TCF4: variants seen among roughly 807,000 people sequenced by gnomAD.
The protein encoded by TCF4 is SL3-3 enhancer factor 2.
In TCF4, 3 loss-of-function variants were observed where a neutral mutation model predicts 82.1. The ratio of observed to expected loss-of-function variants is 0.04; its 90% CI spans 0.02 to 0.09. TCF4 has a LOEUF of 0.09. TCF4 is among the 10% of genes least tolerant of loss of function. TCF4 has a pLI of 1.00. For synonymous variants in TCF4, 276 were observed against 309.6 expected, an observed-to-expected ratio of 0.89 and a Z score of 1.14; for missense variants, 518 against 852.7, an observed-to-expected ratio of 0.61 and a Z score of 4.89.
At chr18:55,608,869 C>G (rs1239498384) in intron 2 of TCF4, among the ~76,000 whole-genome samples, 1 of 152,000 alleles carries the variant, frequency 6.6e-6, no homozygotes, top group Non-Finnish European at 1.5e-5. Context: ...AAGGTGGGTA[C>G]TTTGGACTAA....
chr18:55,487,645 C>T (rs1335386945), intron 3 of TCF4, among the ~76,000 whole-genome samples: 1 of 151,716 alleles, frequency 6.6e-6, no homozygotes, highest in Non-Finnish European at 1.5e-5. Context: ...AGTATTTTTT[C>T]CCAGCAAGAG....
intron 3 of TCF4, among the ~76,000 whole-genome samples, chr18:55,484,305 A>G (rs1007646841): frequency 1.6e-4 from 25 of 151,994 alleles, no homozygotes; most frequent in African/African-American, 6.1e-4. Context: ...ATTAATACTG[A>G]CTCTGAGAAG....
intron 6 of TCF4, among the ~76,000 whole-genome samples, chr18:55,362,658 A>G (rs2085782666): frequency 6.6e-6 from 1 of 152,254 alleles, no homozygotes; most frequent in Non-Finnish European, 1.5e-5. Context: ...TGCTGTTAAA[A>G]TAACAAACAA....
intron 8 of TCF4, among the ~76,000 whole-genome samples, chr18:55,335,560 T>C (rs1404264680): frequency 6.6e-6 from 1 of 152,202 alleles, no homozygotes; most frequent in African/African-American, 2.4e-5. Context: ...ACAGTCTGAC[T>C]TATGTGAAAC....
At chr18:55,464,192 T>A in intron 3 of TCF4, 55 bp from the exon 4 acceptor site, 1 of 1,440,098 alleles carries the variant, frequency 6.9e-7, no homozygotes, top group Non-Finnish European at 9.8e-7. Flanking sequence ...TTTCTTTTTG[T>A]ATATGCACTT....
chr18:55,406,549 G>A (rs912425778), intron 5 of TCF4, among the ~76,000 whole-genome samples: 11 of 152,262 alleles, frequency 7.2e-5, no homozygotes, highest in African/African-American at 2.4e-4. Flanking sequence ...ATTTGTTTCA[G>A]ATAATAAAAT....
intron 5 of TCF4, among the ~76,000 whole-genome samples, chr18:55,449,015 A>G (rs1318478660): frequency 6.6e-6 from 1 of 152,222 alleles, no homozygotes; most frequent in Non-Finnish European, 1.5e-5. Flanking sequence ...TAATCACACA[A>G]AAGTATGTCT....
chr18:55,371,155 T>C (rs1017469157), intron 6 of TCF4, among the ~76,000 whole-genome samples: 5 of 152,218 alleles, frequency 3.3e-5, no homozygotes, highest in African/African-American at 9.6e-5. Flanking sequence ...TTATTCCTCC[T>C]CCACTTTGGC....
chr18:55,343,849 GGTGCACACACACACGC>G (rs56809130), intron 8 of TCF4, among the ~76,000 whole-genome samples: 5,376 of 151,876 alleles, frequency 0.035, 311 homozygotes, highest in African/African-American at 0.12. Context: ...CATACACATG[GGTGCACACACACACGC>G]GTGCACACAC....
intron 5 of TCF4, among the ~76,000 whole-genome samples, chr18:55,413,147 T>C (rs2094413561): frequency 6.6e-6 from 1 of 152,140 alleles, no homozygotes; most frequent in Non-Finnish European, 1.5e-5. Flanking sequence ...ATGACAATGT[T>C]ATATACGGTA....
chr18:55,349,291 G>C (rs1351633392), intron 8 of TCF4, among the ~76,000 whole-genome samples: 1 of 151,964 alleles, frequency 6.6e-6, no homozygotes, highest in Non-Finnish European at 1.5e-5. Flanking sequence ...TAATTGTTTG[G>C]ATGAGCTGAA....
intron 4 of TCF4, among the ~76,000 whole-genome samples, chr18:55,463,802 TAGCAGAAGTGGAA>T (rs2095929079): frequency 1.3e-5 from 2 of 152,172 alleles, no homozygotes; most frequent in Non-Finnish European, 2.9e-5. Context: ...TTCTTCTGGT[TAGCAGAAGTGGAA>T]CAGGTGTCAA....
intron 8 of TCF4, among the ~76,000 whole-genome samples, chr18:55,282,203 T>C (rs1361169182): frequency 6.6e-6 from 1 of 152,012 alleles, no homozygotes. Context: ...ATATCACATA[T>C]AACTATACTT....
intron 2 of TCF4, among the ~76,000 whole-genome samples, chr18:55,614,495 T>C (rs1411346737): frequency 6.6e-6 from 1 of 152,246 alleles, no homozygotes; most frequent in African/African-American, 2.4e-5. Context: ...AGTGTTTCAC[T>C]GTGGTTTTAA....
At chr18:55,432,130 T>C (rs539786015) in intron 5 of TCF4, among the ~76,000 whole-genome samples, 87 of 152,186 alleles carry the variant, frequency 5.7e-4, no homozygotes, top group Middle Eastern at 6.8e-3. Flanking sequence ...GGCGAAACCC[T>C]GTCTCTACTA....
chr18:55,628,517 G>A (rs1255670093), intron 2 of TCF4, among the ~76,000 whole-genome samples: 1 of 151,694 alleles, frequency 6.6e-6, no homozygotes. Flanking sequence ...ATTTTTAAAT[G>A]TTGTGTTTAG....
intron 3 of TCF4, among the ~76,000 whole-genome samples, chr18:55,542,555 C>A (rs1027305066): frequency 9.2e-5 from 14 of 151,966 alleles, no homozygotes; most frequent in African/African-American, 3.1e-4. Flanking sequence ...TAATAACATT[C>A]TCTTATAGAG....
chr18:55,592,438 T>G (rs187314868), upstream of TCF4, among the ~76,000 whole-genome samples: 3 of 152,256 alleles, frequency 2.0e-5, no homozygotes, highest in African/African-American at 7.2e-5. Flanking sequence ...AGAGCTTTGG[T>G]CTTTCTTCCT....
intron 15 of TCF4, among the ~76,000 whole-genome samples, chr18:55,245,443 G>A (rs779477700): frequency 2.6e-5 from 4 of 152,136 alleles, no homozygotes; most frequent in Admixed American, 1.3e-4. Context: ...AAAATTCCAT[G>A]AGTTAACTTA....
Sources: allele counts gnomAD v4.1 joint callset (sites outside exome capture counted in the v4.1 genomes callset), GRCh38; gene constraint gnomAD v4.1.1; transcripts MANE v1.5; gene names NCBI Gene and HGNC (gene_info 2026-07-23, HGNC 2026-07-21).